Variants in TENM4 observed in about 807,000 individuals in gnomAD.
TENM4 encodes the protein teneurin transmembrane protein 4, also known as teneurin-4.
A neutral mutation model predicts 243.3 loss-of-function variants in TENM4; 82 were observed. The ratio of observed to expected loss-of-function variants is 0.34; its 90% CI spans 0.28 to 0.40. The LOEUF (loss-of-function observed/expected upper bound fraction) is 0.40, where lower values mean the gene tolerates loss of function less well. Ranked by LOEUF, TENM4 falls within the 10% of genes least tolerant of loss-of-function variation. The pLI, the probability that TENM4 is intolerant of heterozygous loss-of-function variation, is 1.00. For synonymous variants in TENM4, 1,412 were observed against 1,456.3 expected (o/e 0.97, Z 0.69); for missense variants, 3,138 against 3,673.3 (o/e 0.85, Z 3.77).
chr11:78,788,361 C>T (rs1591024744), intron 15 of TENM4, among the ~76,000 whole-genome samples: 1 of 152,222 alleles, frequency 6.6e-6, no homozygotes, highest in Non-Finnish European at 1.5e-5. Flanking sequence ...AAGGGAGGTA[C>T]TTATTACGTG....
At position 78,656,864 on chromosome 11, in the gene TENM4, G is replaced by A; in HGVS notation, c.*1194C>T. 1 of 396,442 alleles carries A rather than the reference G, an allele frequency of 2.5e-6. No homozygotes were observed. The highest frequency in any genetic ancestry group is 3.6e-5 in the East Asian group (1 of 27,992). 24.6% of individuals were successfully genotyped at this position (396,442 alleles called of 1,614,324 possible). A position where few individuals can be genotyped will look rare whatever the true frequency, so the allele number is the denominator to read the frequency against. On this transcript the variant is annotated 3_prime_UTR_variant, in exon 34 of 34. Transcript: ENST00000278550. ...ATCAGCTGGTACATGGAGGCAGATG[G>A]GACTTTGGGAACTGGTTAGAAGGAT...
chr11:79,331,330 A>G (rs1857059051), intron 1 of TENM4, among the ~76,000 whole-genome samples: 1 of 151,670 alleles, frequency 6.6e-6, no homozygotes, highest in East Asian at 1.9e-4. Context: ...TTTAGACTCC[A>G]CTCCCACTGC....
At chr11:79,435,769 G>C (rs1313354588) in intron 1 of TENM4, among the ~76,000 whole-genome samples, 1 of 152,028 alleles carries the variant, frequency 6.6e-6, no homozygotes, top group African/African-American at 2.4e-5. Context: ...GTGTGAGCTG[G>C]CATCTTAAAT....
chr11:79,417,159 T>C (rs1356257087), intron 1 of TENM4, among the ~76,000 whole-genome samples: 1 of 152,258 alleles, frequency 6.6e-6, no homozygotes, highest in East Asian at 1.9e-4. Context: ...AAAAGAACTT[T>C]ACTTTTGCTC....
intron 15 of TENM4, among the ~76,000 whole-genome samples, chr11:78,798,557 C>A (rs1388426302): frequency 2.0e-5 from 3 of 152,170 alleles, no homozygotes; most frequent in African/African-American, 7.2e-5. Flanking sequence ...TGTTCATTGA[C>A]AATTATTTTA....
Position 79,116,136 on chromosome 11 carries a change from G to A in TENM4, c.-66+32574C>T, listed in dbSNP as rs115040943. ...ACTGAGAAACAAAATTGTCCACATT[G>A]GTCTTACCGTAGGTTTCTACAAAGA... On this transcript the variant is annotated intron_variant, in intron 4 of 33. Coordinates refer to ENST00000278550, the MANE Select transcript of TENM4 (RefSeq NM_001098816.3). Among the ~76,000 whole-genome samples the A allele has an allele frequency of 2.1e-3, 319 of 152,270 alleles. 1 individual carries two copies. The highest frequency in any genetic ancestry group is 7.1e-3 in the African/African-American group (297 of 41,544).
chr11:79,393,536 C>A (rs1039923178), intron 1 of TENM4, among the ~76,000 whole-genome samples: 1 of 152,224 alleles, frequency 6.6e-6, no homozygotes, highest in Non-Finnish European at 1.5e-5. Flanking sequence ...CTTCTGAAGT[C>A]TTAAACTGAT....
At chr11:78,923,018 G>A (rs927700789) in intron 6 of TENM4, among the ~76,000 whole-genome samples, 1 of 152,136 alleles carries the variant, frequency 6.6e-6, no homozygotes. Flanking sequence ...TCATATGCCA[G>A]GTATTGAATC....
intron 6 of TENM4, among the ~76,000 whole-genome samples, chr11:78,919,256 G>C (rs1856391424): frequency 6.6e-6 from 1 of 152,110 alleles, no homozygotes; most frequent in Non-Finnish European, 1.5e-5. Context: ...CCAATTTCCA[G>C]TTTGAAATAA....
chr11:79,265,991 C>T (rs1268017668), intron 2 of TENM4, among the ~76,000 whole-genome samples: 1 of 152,220 alleles, frequency 6.6e-6, no homozygotes, highest in Admixed American at 6.5e-5. Flanking sequence ...TTAAATGCTA[C>T]CTCCTTCTGG....
chr11:78,700,431 G>GCTCCTAGCCCACAGCTAATA (rs1342861234), intron 28 of TENM4, among the ~76,000 whole-genome samples: 1 of 152,098 alleles, frequency 6.6e-6, no homozygotes, highest in Non-Finnish European at 1.5e-5. Context: ...CAGTGGTGTA[G>GCTCCTAGCCCACAGCTAATA]CTCCTAGCCC....
rs185916238 is a variant in TENM4, at chr11:79,394,754, T to G, written c.-321+45755A>C. 1.0e-3 allele frequency among the ~76,000 whole-genome samples: 158 copies of G among 152,326 alleles called. 2 individuals are homozygous for G. Among genetic ancestry groups the G allele is most frequent in the Admixed American group, 9.8e-3 (150 of 15,300 alleles). On this transcript the variant is annotated intron_variant, in intron 1 of 33. Coordinates refer to ENST00000278550, the MANE Select transcript of TENM4 (RefSeq NM_001098816.3). Reference sequence around the variant, plus strand: ...GGAATAGGGTAGGCCCTTCATCCAGTATGACTGATGTCCTTATAGGAAGAG... The same window carrying G: ...GGAATAGGGTAGGCCCTTCATCCAGGATGACTGATGTCCTTATAGGAAGAG...
At chr11:79,403,640 C>T (rs1511237) in intron 1 of TENM4, among the ~76,000 whole-genome samples, 16,485 of 152,138 alleles carry the variant, frequency 0.11, 991 homozygotes, top group African/African-American at 0.15. Flanking sequence ...GCCCACCCCT[C>T]GACACTCACA....
chr11:79,435,403 G>T (rs1379648712), intron 1 of TENM4, among the ~76,000 whole-genome samples: 3 of 152,156 alleles, frequency 2.0e-5, no homozygotes, highest in African/African-American at 7.2e-5. Flanking sequence ...CCATCTGCCA[G>T]TGCAAAGCAA....
rs575172134 is a variant in TENM4 at position 79,143,615 on chromosome 11, A to C, written c.-66+5095T>G. 2.9e-3 allele frequency among the ~76,000 whole-genome samples: 444 copies of C among 152,206 alleles called. 3 individuals are homozygous for C. Among genetic ancestry groups the C allele is most frequent in the African/African-American group, 0.01 (418 of 41,542 alleles). On this transcript the variant is annotated intron_variant, in intron 4 of 33. Transcript: ENST00000278550. ...TGGGTGCAGCACAGCAACATGGCAC[A>C]TGTATACATATGTAACAAACCTGCA...
chr11:78,745,288 G>A (rs1035742285), intron 19 of TENM4, among the ~76,000 whole-genome samples: 1 of 146,502 alleles, frequency 6.8e-6, no homozygotes, highest in Non-Finnish European at 1.5e-5. Flanking sequence ...GTACAGTGGC[G>A]TGATCTCGGC....
At chr11:79,397,721 G>T (rs377542363) in intron 1 of TENM4, among the ~76,000 whole-genome samples, 22 of 152,286 alleles carry the variant, frequency 1.4e-4, no homozygotes, top group Admixed American at 4.6e-4. Flanking sequence ...TACTTCTATT[G>T]GCAATGTTTC....
At chr11:78,852,282 C>T (rs1249588766) in intron 12 of TENM4, among the ~76,000 whole-genome samples, 2 of 152,200 alleles carry the variant, frequency 1.3e-5, no homozygotes, top group African/African-American at 4.8e-5. Context: ...AGAGCAGAAG[C>T]TTTTCAGCCA....
intron 1 of TENM4, among the ~76,000 whole-genome samples, chr11:79,338,241 G>C (rs1857186021): frequency 6.6e-6 from 1 of 152,226 alleles, no homozygotes; most frequent in Non-Finnish European, 1.5e-5. Flanking sequence ...AGGGAGGTTT[G>C]CATGTCCTCA....
Sources: gnomAD v4.1 joint callset for allele counts (sites outside exome capture counted in the v4.1 genomes callset) on GRCh38, gnomAD v4.1.1 for gene constraint, MANE v1.5 for transcripts, NCBI Gene and HGNC (gene_info 2026-07-23, HGNC 2026-07-21) for gene names.